CACNA1A: variants seen among roughly 807,000 people sequenced by gnomAD.
The protein encoded by CACNA1A is voltage-dependent P/Q-type calcium channel subunit alpha-1A.
Under a neutral mutation model 262.4 loss-of-function variants are expected in CACNA1A, and 57 were observed. The ratio of observed to expected loss-of-function variants is 0.22; its 90% CI spans 0.18 to 0.27. The LOEUF is 0.27. CACNA1A is among the 10% of genes least tolerant of loss of function. The pLI, the probability that CACNA1A is intolerant of heterozygous loss-of-function variation, is 1.00. For synonymous variants in CACNA1A, 1,431 were observed against 1,419.3 expected (o/e 1.01, Z -0.18); for missense variants, 2,526 against 3,562.8 (o/e 0.71, Z 7.41).
intron 44 of CACNA1A, among the ~76,000 whole-genome samples, chr19:13,209,953 G>T (rs1257270749): frequency 1.3e-5 from 2 of 152,154 alleles, no homozygotes; most frequent in Non-Finnish European, 2.9e-5. Flanking sequence ...GTGGCTGGCT[G>T]ACCTATGGGC....
chr19:13,208,761 G>A lies in CACNA1A; in HGVS notation c.6775C>T (p.Arg2259Trp), dbSNP rs750267834. Residue 2259 changes from arginine (R) to tryptophan (W), a missense_variant, in exon 46 of 47, where the codon CGG becomes TGG. Physicochemically the swap from Arg to Trp is moderately radical, Grantham distance 101. Around this residue, in one of 17 missense-constraint regions of CACNA1A, gnomAD observed 929 missense variants for 868.1 expected, o/e 1.07. Transcript: ENST00000360228. ...TCACTTGCAGCCGCACCCACCTGCC[G>A]GTGCGCCATGTGCTCTCGGCCCTCG... ...PSEGREHMAH[R>W]QGSSSVSGSP... The A allele has an allele frequency of 2.1e-5, 33 of 1,574,614 alleles. No homozygotes were observed. The highest frequency in any genetic ancestry group is 2.7e-5 in the Non-Finnish European group (31 of 1,167,110).
At chr19:13,330,873 G>A (rs34036477) in intron 9 of CACNA1A, among the ~76,000 whole-genome samples, 31,866 of 152,124 alleles carry the variant, frequency 0.21, 3,642 homozygotes, top group African/African-American at 0.31. Context: ...ACAGGCGTGA[G>A]CCGCCCCACT....
intron 10 of CACNA1A, among the ~76,000 whole-genome samples, chr19:13,326,803 A>C (rs2058371412): frequency 6.6e-6 from 1 of 151,666 alleles, no homozygotes. Context: ...AAAAAAAAAA[A>C]AGGACTGTGC....
rs1228358523 is a variant in CACNA1A, at chr19:13,317,193, C to T, written c.1474G>A (p.Val492Ile). ...MVKTQAFYWT[V>I]LSLVALNTLC... ...GTGTTGAGAGCTACCAAACTGAGTA[C>T]AGTCCAGTAGAAGGCCTGAGTTTTG... The change falls in exon 11 of 47, where the codon GTA becomes ATA. Residue 492 changes from valine (V) to isoleucine (I), a missense_variant. This residue lies in a region of CACNA1A where 102 missense variants were observed against 278.9 expected (regional missense o/e 0.37). Coordinates refer to ENST00000360228, the MANE Select transcript of CACNA1A (RefSeq NM_001127222.2). 6 of 1,613,596 alleles carry T rather than the reference C, an allele frequency of 3.7e-6. No homozygotes were observed. Among genetic ancestry groups the T allele is most frequent in the Non-Finnish European group, 8.5e-7 (1 of 1,179,720 alleles).
chr19:13,289,548 C>A, intron 19 of CACNA1A, among the ~76,000 whole-genome samples: 1 of 152,168 alleles, frequency 6.6e-6, no homozygotes, highest in East Asian at 1.9e-4. Context: ...AGGAGTAGAA[C>A]CTTCCCCATA....
chr19:13,434,787 TTTA>T lies in CACNA1A; in HGVS notation c.539+18086_539+18088del, dbSNP rs903988042. Among the ~76,000 whole-genome samples the T allele has an allele frequency of 1.7e-4, 26 of 151,898 alleles. No individual in the cohort carries two copies. The East Asian group carries it at 2.5e-3, about 15-fold the overall frequency. ...ACCCCAGTCTCAGGGTTTTTATTTA[TTTA>T]TTATTATTATTATTATTTTTACAAG... On this transcript the variant is annotated intron_variant, in intron 3 of 46. Coordinates refer to ENST00000360228, the MANE Select transcript of CACNA1A (RefSeq NM_001127222.2).
At chr19:13,383,453 T>G (rs1234601771) in intron 3 of CACNA1A, among the ~76,000 whole-genome samples, 2 of 152,210 alleles carry the variant, frequency 1.3e-5, no homozygotes, top group Non-Finnish European at 2.9e-5. Flanking sequence ...CCGTCACTCC[T>G]TAGTTAAAAT....
chr19:13,357,652 C>T (rs545878785), intron 6 of CACNA1A, among the ~76,000 whole-genome samples: 51 of 152,322 alleles, frequency 3.3e-4, no homozygotes, highest in Non-Finnish European at 7.3e-4. Context: ...GGAAGGTGAA[C>T]TGTGGTGAGG....
At chr19:13,363,312 T>TTCTCTCTC (rs36010673) in intron 5 of CACNA1A, 8 of 148,776 alleles carry the variant, frequency 5.4e-5, no homozygotes, top group African/African-American at 1.7e-4. Flanking sequence ...CCCATATTCA[T>TTCTCTCTC]TCTCTCTCTC....
At chr19:13,244,199 C>T (rs186750569) in intron 31 of CACNA1A, 6 of 152,252 alleles carry the variant, frequency 3.9e-5, no homozygotes, top group Non-Finnish European at 7.3e-5. Flanking sequence ...GGTGGGTGGT[C>T]GCTGGACACC....
At chr19:13,439,000 A>G (rs907965573) in intron 3 of CACNA1A, among the ~76,000 whole-genome samples, 1 of 151,850 alleles carries the variant, frequency 6.6e-6, no homozygotes, top group Non-Finnish European at 1.5e-5. Flanking sequence ...TGGCCTCCCA[A>G]AGTGCTGAGA....
At position 13,212,539 on chromosome 19, in the gene CACNA1A, G is replaced by T; in HGVS notation, c.6051-17C>A. The T allele has an allele frequency of 6.4e-7, 1 of 1,553,876 alleles. No individual in the cohort carries two copies. The highest frequency in any genetic ancestry group is 8.7e-7 in the Non-Finnish European group (1 of 1,146,676). ...TGAGCCATCCTGCATGGGGGACAGA[G>T]GCCGGGGTAGCAGTGGGCGCTTGGG... is the stretch of plus-strand genomic sequence containing the variant. On this transcript the variant is annotated splice_polypyrimidine_tract_variant and intron_variant, in intron 41 of 46. Transcript: ENST00000360228. This position sits in a 1 kb window ranked among gnomAD's most constrained non-coding sequence, Gnocchi z 5.6.
chr19:13,208,039 T>TA lies in CACNA1A; in HGVS notation c.6794dup (p.Ser2266LysfsTer40). 1 of 1,297,460 alleles carries TA rather than the reference T, an allele frequency of 7.7e-7. No homozygotes were observed. Among genetic ancestry groups the TA allele is most frequent in the Non-Finnish European group, 9.7e-7 (1 of 1,027,314 alleles). The allele number at this position is 1,297,460 out of a possible 1,614,324, so 80.4% of individuals were successfully genotyped here. A position where few individuals can be genotyped will look rare whatever the true frequency, so the allele number is the denominator to read the frequency against. On this transcript the variant is annotated frameshift_variant, in exon 47 of 47. Coordinates refer to ENST00000360228, the MANE Select transcript of CACNA1A (RefSeq NM_001127222.2). LOFTEE classifies it low-confidence loss of function (END_TRUNC). ...ATGTTGAGGGGGCTGGGCTTCCACTTACGGAACTACTGCCCTACACGAAAA... is the reference window on the plus strand; with the variant it reads ...ATGTTGAGGGGGCTGGGCTTCCACTTAACGGAACTACTGCCCTACACGAAAA...
intron 21 of CACNA1A, chr19:13,283,633 A>G: frequency 2.2e-6 from 1 of 459,280 alleles, no homozygotes. Context: ...CAAAGTTCCT[A>G]TCACTCCCAA....
chr19:13,298,034 C>T (rs1177228229), intron 19 of CACNA1A, among the ~76,000 whole-genome samples: 1 of 151,940 alleles, frequency 6.6e-6, no homozygotes, highest in Non-Finnish European at 1.5e-5. Flanking sequence ...TGTTGGCCAG[C>T]CTGTTCTCCA....
intron 12 of CACNA1A, among the ~76,000 whole-genome samples, chr19:13,310,761 C>CAA (rs996790025): frequency 2.9e-4 from 44 of 151,352 alleles, no homozygotes; most frequent in Admixed American, 6.6e-4. Context: ...GGAACTATTA[C>CAA]AAACAAGGTT....
chr19:13,306,059 CA>C (rs34439709), intron 15 of CACNA1A, among the ~76,000 whole-genome samples: 24,621 of 139,704 alleles, frequency 0.18, 2,384 homozygotes, highest in East Asian at 0.28. Context: ...GACTCCATCT[CA>C]AAAAAAAAAA....
intron 15 of CACNA1A, among the ~76,000 whole-genome samples, chr19:13,304,936 C>T (rs1157260144): frequency 6.6e-6 from 1 of 152,196 alleles, no homozygotes; most frequent in African/African-American, 2.4e-5. Context: ...CTGTGTTCCT[C>T]ATGTGGTCAT....
chr19:13,233,147 C>T (rs1360295061), intron 34 of CACNA1A, among the ~76,000 whole-genome samples: 1 of 152,068 alleles, frequency 6.6e-6, no homozygotes, highest in African/African-American at 2.4e-5. Flanking sequence ...CTGGGCTCCT[C>T]ACAGTCCTCA....
Sources: gnomAD v4.1 joint callset for allele counts (sites outside exome capture counted in the v4.1 genomes callset) on GRCh38, gnomAD v4.1.1 for gene constraint, gnomAD v4.1.1 regional missense constraint, Gnocchi (gnomAD v3.1) non-coding constraint, MANE v1.5 for transcripts, NCBI Gene and HGNC (gene_info 2026-07-23, HGNC 2026-07-21) for gene names.